Variants in VASH2 observed in about 807,000 individuals in gnomAD.
VASH2 encodes vasohibin 2, also known as tubulinyl-Tyr carboxypeptidase 2.
A neutral mutation model predicts 37.2 loss-of-function variants in VASH2; 28 were observed. The ratio of observed to expected loss-of-function variants is 0.75; its 90% confidence interval spans 0.56 to 1.03. The LOEUF is 1.03. Ranked by LOEUF, VASH2 falls within the 50% of genes least tolerant of loss-of-function variation. The pLI is 0.00. For missense variants in VASH2, 419 were observed against 459.1 expected, an observed-to-expected ratio of 0.91 and a Z score of 0.80; for synonymous variants, 188 against 174.7, an observed-to-expected ratio of 1.08 and a Z score of -0.60.
At chr1:212,970,970 C>A (rs1378659085) in intron 5 of VASH2, among the ~76,000 whole-genome samples, 2 of 152,000 alleles carry the variant, frequency 1.3e-5, no homozygotes, top group African/African-American at 4.8e-5. Context: ...CCCATTTCCC[C>A]CCTCCAGCCC....
At position 212,951,860 on chromosome 1, in the gene VASH2, T is replaced by A; in HGVS notation, c.276+42T>A. On this transcript the variant is annotated intron_variant, in intron 2 of 7. Coordinates refer to ENST00000517399, the MANE Select transcript of VASH2 (RefSeq NM_001301056.2). The surrounding 1 kb of genome is among the most constrained non-coding windows in gnomAD (Gnocchi z 4.4). Reference sequence around the variant, plus strand: ...GCGGAGTTGGGGGGCTGGGGGTAGGTAGGCAGCGATGGGACCGTTTCAGCC... The same window carrying A: ...GCGGAGTTGGGGGGCTGGGGGTAGGAAGGCAGCGATGGGACCGTTTCAGCC... 1 of 1,571,110 alleles carries A rather than the reference T, an allele frequency of 6.4e-7. No homozygotes were observed. The highest frequency in any genetic ancestry group is 1.8e-5 in the Admixed American group (1 of 54,980).
intron 3 of VASH2, among the ~76,000 whole-genome samples, chr1:212,964,670 C>T (rs137887826): frequency 5.5e-4 from 84 of 152,288 alleles, no homozygotes; most frequent in Admixed American, 1.4e-3. Context: ...CAAGTGCCAG[C>T]ATAGGCATGA....
chr1:212,956,512 T>C (rs1039314862), intron 2 of VASH2, among the ~76,000 whole-genome samples: 31 of 152,064 alleles, frequency 2.0e-4, no homozygotes, highest in African/African-American at 6.0e-4. Context: ...AAAGACAAAG[T>C]TGGAGTTTCA....
At chr1:212,964,349 A>T (rs1323692194) in intron 3 of VASH2, among the ~76,000 whole-genome samples, 1 of 152,244 alleles carries the variant, frequency 6.6e-6, no homozygotes, top group African/African-American at 2.4e-5. Context: ...TGGGGCACCC[A>T]TTGACTCTCC....
rs981296919 is a variant in VASH2 at position 212,965,760 on chromosome 1, A to G, written c.404A>G (p.Lys135Arg). 6.4e-7 allele frequency: 1 copy of G among 1,552,294 alleles called. No individual in the cohort carries two copies. Reference sequence around the variant, plus strand: ...GGGACCCAGTTCTTTGAAATTAGGAAAATGAGACCGCTGAGTGGGTAAGTG... The same window carrying G: ...GGGACCCAGTTCTTTGAAATTAGGAGAATGAGACCGCTGAGTGGGTAAGTG... ...HTGTQFFEIR[K>R]MRPLSGLMET... The change falls in exon 4 of 8, where the codon AAA becomes AGA. Residue 135 changes from lysine to arginine, a missense_variant. By Grantham distance (26) the Lys-to-Arg change is conservative (BLOSUM62 2). Around this residue, in one of 3 missense-constraint regions of VASH2, gnomAD observed 84 missense variants for 129.9 expected, o/e 0.65. Coordinates refer to ENST00000517399, the MANE Select transcript of VASH2 (RefSeq NM_001301056.2).
intron 3 of VASH2, 125 bp downstream of exon 3, chr1:212,961,379 G>C (rs1286516684): frequency 1.3e-6 from 2 of 1,552,130 alleles, no homozygotes; most frequent in Non-Finnish European, 1.7e-6. Flanking sequence ...GGCCAGGCAT[G>C]GAGGGATGTC....
chr1:212,959,158 C>T (rs972145047), intron 2 of VASH2, among the ~76,000 whole-genome samples: 1 of 152,220 alleles, frequency 6.6e-6, no homozygotes, highest in Non-Finnish European at 1.5e-5. Flanking sequence ...GTTCACGTCT[C>T]CCCTTCTCTC....
At chr1:212,977,933 C>CT (rs910728608) in intron 7 of VASH2, among the ~76,000 whole-genome samples, 6 of 152,200 alleles carry the variant, frequency 3.9e-5, no homozygotes. Context: ...AATGGGAAAA[C>CT]TGAGTTGGCG....
At chr1:212,981,759 G>A (rs762414040) in intron 7 of VASH2, among the ~76,000 whole-genome samples, 1 of 152,216 alleles carries the variant, frequency 6.6e-6, no homozygotes, top group East Asian at 1.9e-4. Flanking sequence ...GCGGAAGAGA[G>A]ACTGGGTGGT....
intron 2 of VASH2, chr1:212,952,483 C>T (rs1666345807): frequency 6.6e-6 from 1 of 152,336 alleles, no homozygotes; most frequent in Admixed American, 6.5e-5. Flanking sequence ...TTAAAAGGGA[C>T]TTTCCAGTAC....
chr1:212,956,618 G>T (rs948885447), intron 2 of VASH2, among the ~76,000 whole-genome samples: 13 of 152,204 alleles, frequency 8.5e-5, no homozygotes, highest in Admixed American at 7.2e-4. Context: ...GGCTTTTCTT[G>T]AAAAGGTTGC....
chr1:212,980,499 G>A (rs775831084), intron 7 of VASH2, among the ~76,000 whole-genome samples: 1 of 151,990 alleles, frequency 6.6e-6, no homozygotes, highest in Non-Finnish European at 1.5e-5. Context: ...TGGCTCCAGC[G>A]GGCTCTGTCT....
Position 212,972,753 on chromosome 1 carries a change from C to T in VASH2, c.671C>T (p.Thr224Ile), listed in dbSNP as rs1558148402. 6.2e-7 allele frequency: 1 copy of T among 1,614,198 alleles called. No homozygotes were observed. The highest frequency in any genetic ancestry group is 2.2e-5 in the East Asian group (1 of 44,888). Residue 224 changes from threonine to isoleucine, a missense_variant, in exon 6 of 8, where the codon ACT becomes ATT. This residue lies in a region of VASH2 where 177 missense variants were observed against 166.2 expected (regional missense o/e 1.06). Transcript: ENST00000517399. The part of the protein sequence containing the change: ...ELMDKPLTFR[T>I]LSDLIFDFED... ...ATGGACAAGCCATTGACTTTTCGGA[C>T]TCTGAGTGACCTCATCTTTGACTTT... is the stretch of plus-strand genomic sequence containing the variant.
chr1:212,982,172 C>A (rs1667357465), intron 7 of VASH2, among the ~76,000 whole-genome samples: 1 of 152,178 alleles, frequency 6.6e-6, no homozygotes, highest in South Asian at 2.1e-4. Context: ...TGGGGCCAGG[C>A]CATCAAGCTT....
chr1:212,970,669 T>C (rs529998620), intron 5 of VASH2, among the ~76,000 whole-genome samples: 4 of 152,190 alleles, frequency 2.6e-5, no homozygotes, highest in South Asian at 4.1e-4. Context: ...GAGGACAGAT[T>C]ACCTGAGGTC....
At chr1:212,954,464 A>G (rs1666420638) in intron 2 of VASH2, among the ~76,000 whole-genome samples, 1 of 152,162 alleles carries the variant, frequency 6.6e-6, no homozygotes. Context: ...TCTGTCACCC[A>G]GGCTGGAGTG....
At position 212,971,497 on chromosome 1, in the gene VASH2, G is replaced by A. The variant is rs1319785734; in HGVS notation, c.498-1083G>A. On this transcript the variant is annotated intron_variant, in intron 5 of 7. Coordinates refer to ENST00000517399, the MANE Select transcript of VASH2 (RefSeq NM_001301056.2). This position sits in a 1 kb window ranked among gnomAD's most constrained non-coding sequence, Gnocchi z 4.0. ...GGCACAGCAGACACTCAGGGTAAGT[G>A]TTTGTCACACTGACTTAAGCAGCTA... 1.3e-5 allele frequency among the ~76,000 whole-genome samples: 2 copies of A among 151,018 alleles called. No homozygotes were observed. The highest frequency in any genetic ancestry group is 2.4e-5 in the African/African-American group (1 of 41,346).
In VASH2 at chr1:212,985,958, A is replaced by C. The variant is rs373636761; in HGVS notation, c.996-2554A>C. Among the ~76,000 whole-genome samples the C allele has an allele frequency of 1.4e-4, 21 of 152,308 alleles. No homozygotes were observed. In the East Asian group the frequency reaches 3.5e-3, roughly 25 times the overall value. On this transcript the variant is annotated intron_variant, in intron 7 of 7. Coordinates refer to ENST00000517399, the MANE Select transcript of VASH2 (RefSeq NM_001301056.2). ...TTCAAGGCAGCTATGTACCTAACTA[A>C]AAATCAGGGATGGGAGACGGGTGTT...
intron 7 of VASH2, among the ~76,000 whole-genome samples, chr1:212,975,482 A>G (rs1328630203): frequency 1.3e-5 from 2 of 152,242 alleles, no homozygotes; most frequent in African/African-American, 2.4e-5. Flanking sequence ...GCTTCCAGCC[A>G]TTCACACGTG....
Sources: allele counts gnomAD v4.1 joint callset (sites outside exome capture counted in the v4.1 genomes callset), GRCh38; gene constraint gnomAD v4.1.1; regional missense constraint gnomAD v4.1.1; non-coding constraint Gnocchi (gnomAD v3.1); transcripts MANE v1.5; gene names NCBI Gene and HGNC (gene_info 2026-07-23, HGNC 2026-07-21).